DUSP5: variants seen among roughly 807,000 people sequenced by gnomAD.
The protein encoded by DUSP5 is dual specificity phosphatase 5.
Under a neutral mutation model 33.6 loss-of-function variants are expected in DUSP5, and 22 were observed. That is an observed-to-expected ratio of 0.66 (90% CI 0.47 to 0.94). The LOEUF is 0.94. DUSP5 is among the 40% of genes least tolerant of loss of function. The pLI, the probability that DUSP5 is intolerant of heterozygous loss-of-function variation, is 0.00. For missense variants in DUSP5, 551 were observed against 522.1 expected, an observed-to-expected ratio of 1.06 and a Z score of -0.54; for synonymous variants, 270 against 231.1, an observed-to-expected ratio of 1.17 and a Z score of -1.53.
At position 110,510,642 on chromosome 10, in the gene DUSP5, A is replaced by G; in HGVS notation, c.*216A>G. ...GAAGGCCAAGCCATTACGGGAGCAC[A>G]GCATGTGCTGACTACTGTACTTCCA... On this transcript the variant is annotated 3_prime_UTR_variant, in exon 4 of 4. Coordinates refer to ENST00000369583, the MANE Select transcript of DUSP5 (RefSeq NM_004419.4). 1.6e-6 allele frequency: 1 copy of G among 616,794 alleles called. No individual in the cohort carries two copies. The highest frequency in any genetic ancestry group is 2.7e-6 in the Non-Finnish European group (1 of 370,132). 38.2% of individuals were successfully genotyped at this position (616,794 alleles called of 1,614,324 possible). A position where few individuals can be genotyped will look rare whatever the true frequency, so the allele number is the denominator to read the frequency against.
chr10:110,508,677 T>C (rs1328063026), intron 3 of DUSP5, among the ~76,000 whole-genome samples: 1 of 152,214 alleles, frequency 6.6e-6, no homozygotes, highest in African/African-American at 2.4e-5. Flanking sequence ...ACTAGGCCAG[T>C]TAAAAGCTAA....
chr10:110,502,670 G>T lies in DUSP5; in HGVS notation c.380-51G>T, dbSNP rs80211483. On this transcript the variant is annotated intron_variant, in intron 1 of 3. Coordinates refer to ENST00000369583, the MANE Select transcript of DUSP5 (RefSeq NM_004419.4). ...ATTAACTATGGGTATTTTTGACAGC[G>T]TGAGAAATTGATGCTTACCATCTGT... 4 of 1,594,264 alleles carry T rather than the reference G, an allele frequency of 2.5e-6. No homozygotes were observed. In the East Asian group the frequency reaches 6.7e-5, roughly 27 times the overall value.
Position 110,498,434 on chromosome 10 carries a change from G to A in DUSP5, c.313G>A (p.Ala105Thr). The A allele has an allele frequency of 3.3e-6, 5 of 1,535,908 alleles. No individual in the cohort carries two copies. The highest frequency in any genetic ancestry group is 3.5e-6 in the Non-Finnish European group (4 of 1,150,350). ...GCAGAAGCTGCGAGAGGAGAGCGCCGCGCGTGTCGTCCTCACCTCGCTACT... is the reference window on the plus strand; with the variant it reads ...GCAGAAGCTGCGAGAGGAGAGCGCCACGCGTGTCGTCCTCACCTCGCTACT... ...HWQKLREESA[A>T]RVVLTSLLAC... The change falls in exon 1 of 4, where the codon GCG (alanine) becomes ACG (threonine). Residue 105 changes from alanine (A) to threonine (T), a missense_variant. This residue lies in a region of DUSP5 where 381 missense variants were observed against 310.4 expected (regional missense o/e 1.23). Transcript: ENST00000369583.
intron 2 of DUSP5, among the ~76,000 whole-genome samples, chr10:110,506,478 A>G (rs946578319): frequency 2.0e-5 from 3 of 152,178 alleles, no homozygotes; most frequent in Non-Finnish European, 4.4e-5. Flanking sequence ...TCAAGGCTGT[A>G]AAGGAGGACA....
Position 110,510,644 on chromosome 10 carries a change from C to A in DUSP5, c.*218C>A. ...AGGCCAAGCCATTACGGGAGCACAG[C>A]ATGTGCTGACTACTGTACTTCCAGA... On this transcript the variant is annotated 3_prime_UTR_variant, in exon 4 of 4. Coordinates refer to ENST00000369583, the MANE Select transcript of DUSP5 (RefSeq NM_004419.4). 1 of 598,210 alleles carries A rather than the reference C, an allele frequency of 1.7e-6. No individual in the cohort carries two copies. Among genetic ancestry groups the A allele is most frequent in the Non-Finnish European group, 2.8e-6 (1 of 354,014 alleles). The allele number at this position is 598,210 out of a possible 1,614,324, so 37.1% of individuals were successfully genotyped here.
rs992424271 is a variant in DUSP5, at chr10:110,498,479, C to T, written c.358C>T (p.Pro120Ser). 3 of 1,543,648 alleles carry T rather than the reference C, an allele frequency of 1.9e-6. No homozygotes were observed. Among genetic ancestry groups the T allele is most frequent in the African/African-American group, 1.4e-5 (1 of 70,816 alleles). ...GCTACTCGCTTGCCTACCCGCCGGC[C>T]CGCGGGTCTACTTCCTCAAAGGTGA... ...TSLLACLPAGPRVYFLKGGYE... is the reference protein window; with the variant it reads ...TSLLACLPAGSRVYFLKGGYE... The change falls in exon 1 of 4, where the codon CCG (proline) becomes TCG (serine). Residue 120 changes from proline (P) to serine (S), a missense_variant. Around this residue, in one of 3 missense-constraint regions of DUSP5, gnomAD observed 381 missense variants for 310.4 expected, o/e 1.23. Transcript: ENST00000369583.
intron 2 of DUSP5, among the ~76,000 whole-genome samples, chr10:110,503,651 G>C (rs969701802): frequency 6.6e-6 from 1 of 152,178 alleles, no homozygotes; most frequent in Admixed American, 6.5e-5. Flanking sequence ...ACCATTTTAC[G>C]GAAGGGAAAA....
At chr10:110,498,622 T>G in intron 1 of DUSP5, 122 bp downstream of exon 1, 14 of 1,268,962 alleles carry the variant, frequency 1.1e-5, no homozygotes, top group Non-Finnish European at 1.4e-5. Context: ...GTCTGCACCC[T>G]GTGGCTTGTT....
intron 3 of DUSP5, among the ~76,000 whole-genome samples, chr10:110,508,606 G>A (rs1406741929): frequency 1.3e-5 from 2 of 152,172 alleles, no homozygotes; most frequent in Non-Finnish European, 2.9e-5. Flanking sequence ...GGCAGGCTCC[G>A]AGGTGTCGAG....
rs751641248 is a variant in DUSP5, at chr10:110,507,153, T to C, written c.747T>C (p.Ile249=). 6.2e-7 allele frequency: 1 copy of C among 1,612,866 alleles called. No individual in the cohort carries two copies. Among genetic ancestry groups the C allele is most frequent in the South Asian group, 1.1e-5 (1 of 91,084 alleles). The change falls in exon 3 of 4, where the codon ATT becomes ATC. Residue 249 remains isoleucine (I), a splice_region_variant and synonymous_variant. Transcript: ENST00000369583. ...ACTTTCAAGAAGCAATAGACTTCAT[T>C]GGTAGGTTTAGCCATTCCCCTTCAG... The part of the protein sequence containing the change: ...SSHFQEAIDF[I]DCVREKGGKV...
Position 110,507,026 on chromosome 10 carries a change from C to T in DUSP5, c.620C>T (p.Ala207Val), listed in dbSNP as rs759034486. The T allele has an allele frequency of 6.2e-7, 1 of 1,614,160 alleles. No individual in the cohort carries two copies. Among genetic ancestry groups the T allele is most frequent in the Non-Finnish European group, 8.5e-7 (1 of 1,180,060 alleles). Residue 207 changes from alanine to valine, a missense_variant, in exon 3 of 4, where the codon GCC becomes GTC. Around this residue, in one of 3 missense-constraint regions of DUSP5, gnomAD observed 381 missense variants for 310.4 expected, o/e 1.23. Coordinates refer to ENST00000369583, the MANE Select transcript of DUSP5 (RefSeq NM_004419.4). ...TTCCTCGCCAACCTGCACATCACAGCCCTGCTGAATGTCTCCCGACGGACC... is the reference window on the plus strand; with the variant it reads ...TTCCTCGCCAACCTGCACATCACAGTCCTGCTGAATGTCTCCCGACGGACC... ...CEFLANLHIT[A>V]LLNVSRRTSE... is the part of the protein sequence containing the mutation.
rs904431932 is a variant in DUSP5 at position 110,498,026 on chromosome 10, C to T, written c.-96C>T. 1 of 987,542 alleles carries T rather than the reference C, an allele frequency of 1.0e-6. No homozygotes were observed. Among genetic ancestry groups the T allele is most frequent in the Non-Finnish European group, 1.2e-6 (1 of 825,304 alleles). The allele number at this position is 987,542 out of a possible 1,614,324, so 61.2% of individuals were successfully genotyped here. On this transcript the variant is annotated 5_prime_UTR_variant, in exon 1 of 4. Coordinates refer to ENST00000369583, the MANE Select transcript of DUSP5 (RefSeq NM_004419.4). ...GCCGCAGCCCCGCGGGTCGCCCTCC[C>T]GTGCCTCGCCCGCGGACACCCTGGC...
chr10:110,508,439 G>C (rs1860146182), intron 3 of DUSP5, among the ~76,000 whole-genome samples: 1 of 152,174 alleles, frequency 6.6e-6, no homozygotes, highest in African/African-American at 2.4e-5. Context: ...TATTGTGTCT[G>C]TGTACGCACA....
At chr10:110,500,378 C>A (rs1196886484) in intron 1 of DUSP5, among the ~76,000 whole-genome samples, 2 of 152,200 alleles carry the variant, frequency 1.3e-5, no homozygotes, top group Non-Finnish European at 2.9e-5. Flanking sequence ...ATGAGAATTG[C>A]CAGGTCAAGA....
chr10:110,498,350 C>G lies in DUSP5; in HGVS notation c.229C>G (p.Gln77Glu). 1.4e-6 allele frequency: 2 copies of G among 1,383,772 alleles called. No individual in the cohort carries two copies. Among genetic ancestry groups the G allele is most frequent in the Non-Finnish European group, 9.4e-7 (1 of 1,067,896 alleles). The allele number at this position is 1,383,772 out of a possible 1,614,324, so 85.7% of individuals were successfully genotyped here. A position where few individuals can be genotyped will look rare whatever the true frequency, so the allele number is the denominator to read the frequency against. The change falls in exon 1 of 4, where the codon CAG (glutamine) becomes GAG (glutamate). Residue 77 changes from glutamine (Q) to glutamate (E), a missense_variant. Gln to Glu is a conservative substitution (Grantham distance 29). Around this residue, in one of 3 missense-constraint regions of DUSP5, gnomAD observed 381 missense variants for 310.4 expected, o/e 1.23. Coordinates refer to ENST00000369583, the MANE Select transcript of DUSP5 (RefSeq NM_004419.4). ...CGAGGCGGCGCGCGCGCGGCTCCTG[C>G]AGGAGGGCGGCGGCGGCGTCGCGGC... ...PDEAARARLL[Q>E]EGGGGVAAVV...
At position 110,498,520 on chromosome 10, in the gene DUSP5, G is replaced by C. The variant is rs1216520993; in HGVS notation, c.379+20G>C. Reference sequence around the variant, plus strand: ...TCAAAGGTGAGCGCTCGGGGTCCCTGCCACGCTCGCCCCTCCGGCGCCCCC... The same window carrying C: ...TCAAAGGTGAGCGCTCGGGGTCCCTCCCACGCTCGCCCCTCCGGCGCCCCC... On this transcript the variant is annotated intron_variant, in intron 1 of 3. Transcript: ENST00000369583. 2.1e-6 allele frequency: 3 copies of C among 1,460,536 alleles called. No individual in the cohort carries two copies. In the East Asian group the frequency reaches 8.3e-5, roughly 40 times the overall value. The allele number at this position is 1,460,536 out of a possible 1,614,324, so 90.5% of individuals were successfully genotyped here.
chr10:110,509,997 C>A, intron 3 of DUSP5, 23 bp from the exon 4 acceptor site: 1 of 1,559,098 alleles, frequency 6.4e-7, no homozygotes, highest in Non-Finnish European at 8.7e-7. Context: ...CAACTCACTC[C>A]CACCATCTTT....
rs1316460551 is a variant in DUSP5 at position 110,511,051 on chromosome 10, A to C, written c.*625A>C. The C allele has an allele frequency of 1.3e-5, 2 of 152,594 alleles. No homozygotes were observed. Among genetic ancestry groups the C allele is most frequent in the Non-Finnish European group, 2.9e-5 (2 of 68,086 alleles). The allele number at this position is 152,594 out of a possible 1,614,324, so 9.5% of individuals were successfully genotyped here. On this transcript the variant is annotated 3_prime_UTR_variant, in exon 4 of 4. Coordinates refer to ENST00000369583, the MANE Select transcript of DUSP5 (RefSeq NM_004419.4). ...TTGGCTTTTCTGGATTTTTTTTGCC[A>C]TGGGTTCTTCACTGACCTTGGACTT...
Position 110,498,202 on chromosome 10 carries a change from C to A in DUSP5, c.81C>A (p.Asp27Glu). ...CGGCGGCGCGCTGCGTGGTGCTCGA[C>A]TGCCGGCCCTATCTGGCCTTCGCTG... ...KEAAARCVVL[D>E]CRPYLAFAAS... Residue 27 changes from aspartate (D) to glutamate (E), a missense_variant, in exon 1 of 4, where the codon GAC becomes GAA. Physicochemically the swap from Asp to Glu is conservative, Grantham distance 45. Around this residue, in one of 3 missense-constraint regions of DUSP5, gnomAD observed 381 missense variants for 310.4 expected, o/e 1.23. Transcript: ENST00000369583. 1 of 1,507,496 alleles carries A rather than the reference C, an allele frequency of 6.6e-7. No individual in the cohort carries two copies. The highest frequency in any genetic ancestry group is 8.9e-7 in the Non-Finnish European group (1 of 1,127,700). The allele number at this position is 1,507,496 out of a possible 1,614,324, so 93.4% of individuals were successfully genotyped here.
Sources: gnomAD v4.1 joint callset for allele counts (sites outside exome capture counted in the v4.1 genomes callset) on GRCh38, gnomAD v4.1.1 for gene constraint, gnomAD v4.1.1 regional missense constraint, MANE v1.5 for transcripts, NCBI Gene and HGNC (gene_info 2026-07-23, HGNC 2026-07-21) for gene names.